STXBP6: variants seen among roughly 807,000 people sequenced by gnomAD.
The protein encoded by STXBP6 is syntaxin-binding protein 6.
Under a neutral mutation model 26.9 loss-of-function variants are expected in STXBP6, and 21 were observed. The ratio of observed to expected loss-of-function variants is 0.78; its 90% CI spans 0.55 to 1.12. The LOEUF is 1.12. Ranked by LOEUF, STXBP6 falls within the 50% of genes most tolerant of loss-of-function variation. STXBP6 has a pLI of 0.00. For missense variants in STXBP6, 232 were observed against 257.9 expected, an observed-to-expected ratio of 0.90 and a Z score of 0.69; for synonymous variants, 97 against 92.6, an observed-to-expected ratio of 1.05 and a Z score of -0.27.
chr14:25,019,516 A>G lies in STXBP6; in HGVS notation c.-33+30362T>C, dbSNP rs182210264. Reference sequence around the variant, plus strand: ...TGCCTTTACTTTTCCCTATCCTAACATAAGGAAATAGATTTAAAGAAAACA... The same window carrying G: ...TGCCTTTACTTTTCCCTATCCTAACGTAAGGAAATAGATTTAAAGAAAACA... On this transcript the variant is annotated intron_variant, in intron 1 of 5. Transcript: ENST00000323944. 2.7e-3 allele frequency among the ~76,000 whole-genome samples: 405 copies of G among 152,336 alleles called. 4 individuals are homozygous for G. The highest frequency in any genetic ancestry group is 9.9e-3 in the South Asian group (48 of 4,828).
At chr14:24,866,542 A>G (rs2069729171) in intron 2 of STXBP6, among the ~76,000 whole-genome samples, 1 of 152,116 alleles carries the variant, frequency 6.6e-6, no homozygotes, top group African/African-American at 2.4e-5. Context: ...TCCATTTACA[A>G]GAGTATTGAA....
intron 1 of STXBP6, among the ~76,000 whole-genome samples, chr14:25,043,379 AT>A (rs766073366): frequency 6.6e-6 from 1 of 151,844 alleles, no homozygotes; most frequent in Admixed American, 6.5e-5. Flanking sequence ...TTGTCTCATC[AT>A]TTTTTTTTAA....
At chr14:24,904,507 T>TC (rs974557003) in intron 2 of STXBP6, among the ~76,000 whole-genome samples, 3 of 152,156 alleles carry the variant, frequency 2.0e-5, no homozygotes, top group African/African-American at 4.8e-5. Flanking sequence ...CTAAAGTGTG[T>TC]CCCCCCAAAA....
intron 2 of STXBP6, among the ~76,000 whole-genome samples, chr14:24,937,475 C>T (rs1434076633): frequency 6.6e-6 from 1 of 152,160 alleles, no homozygotes; most frequent in East Asian, 1.9e-4. Flanking sequence ...CTCAACCTGT[C>T]TTAACTGAAG....
intron 1 of STXBP6, among the ~76,000 whole-genome samples, chr14:25,015,686 GA>G (rs1405804011): frequency 1.3e-5 from 2 of 151,844 alleles, no homozygotes; most frequent in African/African-American, 4.8e-5. Flanking sequence ...AAAAATGTTA[GA>G]AATTTGGTGT....
intron 4 of STXBP6, among the ~76,000 whole-genome samples, chr14:24,825,462 G>A (rs1056824832): frequency 2.0e-5 from 3 of 152,168 alleles, no homozygotes; most frequent in South Asian, 2.1e-4. Context: ...GGAGCTGGAC[G>A]ACAAAGAAAA....
chr14:24,851,735 C>T (rs1010723889), intron 4 of STXBP6, among the ~76,000 whole-genome samples: 4 of 152,094 alleles, frequency 2.6e-5, no homozygotes, highest in Admixed American at 6.5e-5. Flanking sequence ...AAAGACTGTA[C>T]TTTCAGGGAC....
chr14:24,968,414 A>G (rs905196125), intron 2 of STXBP6, among the ~76,000 whole-genome samples: 10 of 152,014 alleles, frequency 6.6e-5, no homozygotes, highest in Non-Finnish European at 1.0e-4. Context: ...TCTGAATTAG[A>G]AAGTAGACAA....
intron 2 of STXBP6, among the ~76,000 whole-genome samples, chr14:24,966,330 T>C (rs1174099902): frequency 1.3e-5 from 2 of 151,742 alleles, no homozygotes; most frequent in African/African-American, 2.4e-5. Context: ...TCAAGGAATG[T>C]TGTCACATTG....
chr14:24,907,879 G>C (rs2071437976), intron 2 of STXBP6, among the ~76,000 whole-genome samples: 1 of 151,808 alleles, frequency 6.6e-6, no homozygotes, highest in Non-Finnish European at 1.5e-5. Flanking sequence ...GAGCATCCCA[G>C]GTCTCTGTCT....
chr14:24,842,231 T>C (rs982773962), intron 4 of STXBP6, among the ~76,000 whole-genome samples: 3 of 152,264 alleles, frequency 2.0e-5, no homozygotes, highest in South Asian at 4.1e-4. Flanking sequence ...TAAGGAGCAA[T>C]TGGTCACAGC....
chr14:24,851,667 AAC>A, intron 4 of STXBP6, among the ~76,000 whole-genome samples: 1 of 152,038 alleles, frequency 6.6e-6, no homozygotes, highest in Non-Finnish European at 1.5e-5. Context: ...GTTTACAATA[AAC>A]ACAGAGAAAA....
At chr14:24,819,331 A>G (rs750589658) in intron 4 of STXBP6, 137 bp from the exon 5 acceptor site, 48 of 978,618 alleles carry the variant, frequency 4.9e-5, no homozygotes, top group Non-Finnish European at 6.7e-5. Context: ...CTAGGAAACA[A>G]GCCGACATTT....
chr14:25,019,747 A>G (rs1393296286), intron 1 of STXBP6, among the ~76,000 whole-genome samples: 1 of 152,134 alleles, frequency 6.6e-6, no homozygotes, highest in Non-Finnish European at 1.5e-5. Context: ...TGCATGACCA[A>G]ATTCTTTTTT....
intron 5 of STXBP6, among the ~76,000 whole-genome samples, chr14:24,814,349 A>C (rs1196892069): frequency 6.6e-6 from 1 of 152,226 alleles, no homozygotes; most frequent in Non-Finnish European, 1.5e-5. Context: ...GTTTTTATAC[A>C]TTATTCAGCA....
intron 2 of STXBP6, among the ~76,000 whole-genome samples, chr14:24,887,458 A>G (rs1566445544): frequency 6.6e-6 from 1 of 152,148 alleles, no homozygotes; most frequent in Non-Finnish European, 1.5e-5. Context: ...TTCTTCCTAA[A>G]ATCTATATTT....
chr14:24,814,263 G>A (rs769677353), intron 5 of STXBP6, among the ~76,000 whole-genome samples: 1 of 152,184 alleles, frequency 6.6e-6, no homozygotes, highest in Non-Finnish European at 1.5e-5. Context: ...CAGGGCTCTA[G>A]CTCAGATCTG....
intron 2 of STXBP6, among the ~76,000 whole-genome samples, chr14:24,955,715 C>T (rs140897450): frequency 2.6e-3 from 401 of 152,184 alleles, no homozygotes; most frequent in African/African-American, 9.4e-3. Context: ...GGCCCTGCTT[C>T]CCCCAGCAAG....
In STXBP6 at chr14:24,844,363, C is replaced by T. The variant is rs553596177; in HGVS notation, c.451+11573G>A. Reference sequence around the variant, plus strand: ...AGCTGGTATAGCACATTATCAAACCCGAGGAAGAGATCATGGGAACCTCCA... The same window carrying T: ...AGCTGGTATAGCACATTATCAAACCTGAGGAAGAGATCATGGGAACCTCCA... On this transcript the variant is annotated intron_variant, in intron 4 of 5. Coordinates refer to ENST00000323944, the MANE Select transcript of STXBP6 (RefSeq NM_001394410.1). Among the ~76,000 whole-genome samples, 43 of 152,228 alleles carry T rather than the reference C, an allele frequency of 2.8e-4. 1 individual carries two copies. Among genetic ancestry groups the T allele is most frequent in the African/African-American group, 8.7e-4 (36 of 41,528 alleles).
Sources: allele counts gnomAD v4.1 joint callset (sites outside exome capture counted in the v4.1 genomes callset), GRCh38; gene constraint gnomAD v4.1.1; transcripts MANE v1.5; gene names NCBI Gene and HGNC (gene_info 2026-07-23, HGNC 2026-07-21).